The following PCMT1 variants were observed in gnomAD, a reference collection of about 807,000 sequenced individuals.
PCMT1 encodes protein-L-isoaspartate (D-aspartate) O-methyltransferase.
In PCMT1, 9 loss-of-function variants were observed where a neutral mutation model predicts 29.2. That is an observed-to-expected ratio of 0.31 (90% CI 0.19 to 0.54). PCMT1 has a LOEUF of 0.54. Ranked by LOEUF, PCMT1 falls within the 20% of genes least tolerant of loss-of-function variation. The probability of loss-of-function intolerance (pLI) is 0.95; values close to 1 mark genes in which losing one functional copy is unlikely to be tolerated. For synonymous variants in PCMT1, 98 were observed against 97.5 expected (o/e 1.00, Z -0.03); for missense variants, 184 against 282.2 (o/e 0.65, Z 2.49).
Position 149,787,742 on chromosome 6 carries a change from C to A in PCMT1, c.193-2212C>A, listed in dbSNP as rs80243931. 4.7e-3 allele frequency among the ~76,000 whole-genome samples: 720 copies of A among 152,126 alleles called. 5 individuals are homozygous for A. The highest frequency in any genetic ancestry group is 0.016 in the African/African-American group (682 of 41,494). Reference sequence around the variant, plus strand: ...TAGTACAGTTCCTGTGTACTTTTGTCCACACAGTCTTACCATTGGTAAAGC... The same window carrying A: ...TAGTACAGTTCCTGTGTACTTTTGTACACACAGTCTTACCATTGGTAAAGC... On this transcript the variant is annotated intron_variant, in intron 3 of 7. Coordinates refer to ENST00000464889, the MANE Select transcript of PCMT1 (RefSeq NM_001360452.2).
At chr6:149,802,494 C>T (rs1219884585) in intron 7 of PCMT1, 78 bp downstream of exon 7, 18 of 1,319,936 alleles carry the variant, frequency 1.4e-5, no homozygotes, top group African/African-American at 5.9e-5. Flanking sequence ...TCCATTATAA[C>T]GTCAGAAATT....
At chr6:149,795,336 C>A in intron 5 of PCMT1, 1 of 387,696 alleles carries the variant, frequency 2.6e-6, no homozygotes, top group Admixed American at 3.3e-5. Context: ...CTGGGAACAG[C>A]AGTAGAAACA....
intron 6 of PCMT1, among the ~76,000 whole-genome samples, chr6:149,800,522 G>A (rs1775796653): frequency 6.6e-6 from 1 of 151,998 alleles, no homozygotes; most frequent in Non-Finnish European, 1.5e-5. Flanking sequence ...ACCAGAGTAA[G>A]GTTTCTTCTT....
chr6:149,782,575 T>C (rs1383595312), intron 3 of PCMT1, among the ~76,000 whole-genome samples: 1 of 152,142 alleles, frequency 6.6e-6, no homozygotes, highest in Non-Finnish European at 1.5e-5. Flanking sequence ...GTGACTGACA[T>C]CTGTCAAGTG....
intron 4 of PCMT1, among the ~76,000 whole-genome samples, chr6:149,792,461 TAATA>T (rs1175784330): frequency 5.3e-5 from 8 of 152,220 alleles, no homozygotes; most frequent in African/African-American, 1.9e-4. Flanking sequence ...CATTTATACT[TAATA>T]TTTTAATTTA....
chr6:149,789,324 C>T (rs1170625497), intron 3 of PCMT1, among the ~76,000 whole-genome samples: 1 of 152,006 alleles, frequency 6.6e-6, no homozygotes, highest in Non-Finnish European at 1.5e-5. Flanking sequence ...GATCTACCTG[C>T]CTCAGCCTCC....
chr6:149,787,499 G>T (rs982985396), intron 3 of PCMT1, among the ~76,000 whole-genome samples: 29 of 151,818 alleles, frequency 1.9e-4, no homozygotes, highest in Middle Eastern at 6.8e-3. Context: ...CCCAGTAGCT[G>T]GGATTACAGC....
chr6:149,808,107 C>T (rs1776062462), intron 7 of PCMT1, among the ~76,000 whole-genome samples: 1 of 151,952 alleles, frequency 6.6e-6, no homozygotes, highest in Admixed American at 6.6e-5. Flanking sequence ...TATAGTATAT[C>T]TTTTCATTTA....
At chr6:149,766,959 C>T (rs1358043361) in intron 1 of PCMT1, among the ~76,000 whole-genome samples, 1 of 152,088 alleles carries the variant, frequency 6.6e-6, no homozygotes, top group African/African-American at 2.4e-5. Flanking sequence ...ATCTGTAATC[C>T]CAGCACTTTG....
intron 3 of PCMT1, among the ~76,000 whole-genome samples, chr6:149,781,681 T>C (rs937505817): frequency 6.6e-6 from 1 of 152,216 alleles, no homozygotes; most frequent in African/African-American, 2.4e-5. Context: ...AATTGGGTTA[T>C]TTGTCTTTTC....
Position 149,749,799 on chromosome 6 carries a change from C to T in PCMT1, c.-103C>T, listed in dbSNP as rs1399825644. 3 of 1,551,890 alleles carry T rather than the reference C, an allele frequency of 1.9e-6. No homozygotes were observed. Among genetic ancestry groups the T allele is most frequent in the East Asian group, 2.4e-5 (1 of 40,996 alleles). On this transcript the variant is annotated 5_prime_UTR_variant, in exon 1 of 8. Transcript: ENST00000464889. ...GCGGCAGCTACAGCGGGGACGCGAG[C>T]GGGGCGGTGACGGTGTGGGAGGTGG...
At chr6:149,782,776 A>C (rs1787866339) in intron 3 of PCMT1, among the ~76,000 whole-genome samples, 1 of 152,210 alleles carries the variant, frequency 6.6e-6, no homozygotes, top group African/African-American at 2.4e-5. Context: ...AAAAAGAGCA[A>C]GACAGGGAAA....
chr6:149,769,308 CTTTTTTTTTTT>C (rs372773939), intron 1 of PCMT1, among the ~76,000 whole-genome samples: 24,977 of 71,954 alleles, frequency 0.35, 3,983 homozygotes, highest in Middle Eastern at 0.52. Flanking sequence ...GTGCAGGATT[CTTTTTTTTTTT>C]TTTTTTTTTT....
At chr6:149,760,994 A>G (rs540905463) in intron 1 of PCMT1, among the ~76,000 whole-genome samples, 2 of 152,108 alleles carry the variant, frequency 1.3e-5, no homozygotes, top group South Asian at 4.2e-4. Context: ...TTCTATCACT[A>G]TATACTGGAT....
rs61038108 is a variant in PCMT1 at position 149,756,512 on chromosome 6, C to CTTT, written c.55+6586_55+6588dup. Among the ~76,000 whole-genome samples the CTTT allele has an allele frequency of 4.2e-3, 311 of 74,678 alleles. 18 individuals are homozygous for CTTT. Among genetic ancestry groups the CTTT allele is most frequent in the Middle Eastern group, 8.5e-3 (1 of 118 alleles). The allele number at this position is 74,678 out of a possible 152,430, so 49.0% of individuals were successfully genotyped here. The stretch of plus-strand genomic sequence containing the variant: ...TACAGATGCACACCACCATGACTGG[C>CTTT]TTTTTTTTTTTTTTTTTTTTTTTTT... On this transcript the variant is annotated intron_variant, in intron 1 of 7. Coordinates refer to ENST00000464889, the MANE Select transcript of PCMT1 (RefSeq NM_001360452.2).
At chr6:149,758,175 C>T (rs1174707204) in intron 1 of PCMT1, among the ~76,000 whole-genome samples, 7 of 125,366 alleles carry the variant, frequency 5.6e-5, no homozygotes, top group Non-Finnish European at 9.9e-5. Flanking sequence ...TGAGCCACTG[C>T]GCCCAACCAA....
intron 1 of PCMT1, among the ~76,000 whole-genome samples, chr6:149,765,253 G>T (rs1007467136): frequency 2.7e-4 from 38 of 138,316 alleles, no homozygotes; most frequent in South Asian, 2.3e-4. Flanking sequence ...CCAGCTACTC[G>T]GGAGGCTGAG....
At chr6:149,750,084 C>G in intron 1 of PCMT1, 128 bp downstream of exon 1, 1 of 1,293,136 alleles carries the variant, frequency 7.7e-7, no homozygotes, top group Non-Finnish European at 1.0e-6. Context: ...GCAGAGTTGC[C>G]CCGGTAGTCC....
chr6:149,774,240 C>T (rs1348841985), intron 3 of PCMT1, among the ~76,000 whole-genome samples: 1 of 147,196 alleles, frequency 6.8e-6, no homozygotes, highest in African/African-American at 2.7e-5. Flanking sequence ...TTTTCTTTTT[C>T]TTTTCTTTTT....
Sources: gnomAD v4.1 joint callset for allele counts (sites outside exome capture counted in the v4.1 genomes callset) on GRCh38, gnomAD v4.1.1 for gene constraint, MANE v1.5 for transcripts, NCBI Gene and HGNC (gene_info 2026-07-23, HGNC 2026-07-21) for gene names.